BTG3: variants seen among roughly 807,000 people sequenced by gnomAD.
BTG3 encodes the protein protein BTG3.
A neutral mutation model predicts 25.8 loss-of-function variants in BTG3; 4 were observed. That is an observed-to-expected ratio of 0.16 (90% confidence interval 0.08 to 0.36). BTG3 has a LOEUF of 0.36. Among genes scored for constraint, BTG3 ranks in the 10% least tolerant of loss-of-function variants. The pLI, the probability that BTG3 is intolerant of heterozygous loss-of-function variation, is 1.00. For missense variants in BTG3, 201 were observed against 304.9 expected, an observed-to-expected ratio of 0.66 and a Z score of 2.54; for synonymous variants, 107 against 99.9, an observed-to-expected ratio of 1.07 and a Z score of -0.42.
chr21:17,599,639 C>T (rs1001858668), intron 3 of BTG3, among the ~76,000 whole-genome samples: 2 of 152,110 alleles, frequency 1.3e-5, no homozygotes, highest in East Asian at 1.9e-4. Context: ...ACCACCACGC[C>T]CAGCTAATTT....
At chr21:17,602,639 A>G (rs923607368) in intron 3 of BTG3, among the ~76,000 whole-genome samples, 7 of 152,196 alleles carry the variant, frequency 4.6e-5, no homozygotes, top group African/African-American at 1.7e-4. Flanking sequence ...GAAAAAAATC[A>G]CATCAGAGCC....
intron 4 of BTG3, among the ~76,000 whole-genome samples, chr21:17,597,668 A>C (rs1207532618): frequency 6.6e-6 from 1 of 152,070 alleles, no homozygotes; most frequent in Admixed American, 6.5e-5. Flanking sequence ...TAGAATCCTA[A>C]ATTATGATAA....
intron 2 of BTG3, among the ~76,000 whole-genome samples, chr21:17,606,233 G>A (rs1383684357): frequency 6.6e-6 from 1 of 152,042 alleles, no homozygotes; most frequent in Non-Finnish European, 1.5e-5. Flanking sequence ...GAAAAAAGGA[G>A]GCAGAGAGAG....
At chr21:17,604,818 C>T in intron 3 of BTG3, 42 bp downstream of exon 3, 1 of 1,586,466 alleles carries the variant, frequency 6.3e-7, no homozygotes, top group Admixed American at 1.8e-5. Flanking sequence ...AAAATTAGTT[C>T]CAGCATGGTC....
At chr21:17,603,552 G>C (rs752670201) in intron 3 of BTG3, among the ~76,000 whole-genome samples, 9 of 152,116 alleles carry the variant, frequency 5.9e-5, no homozygotes, top group African/African-American at 2.2e-4. Context: ...GTCAGTCTGC[G>C]ACCACCTTAG....
At chr21:17,601,723 A>G (rs1335393200) in intron 3 of BTG3, among the ~76,000 whole-genome samples, 9 of 152,238 alleles carry the variant, frequency 5.9e-5, no homozygotes. Context: ...TGACACTAAT[A>G]TAACAATGAC....
At chr21:17,594,443 A>C in intron 4 of BTG3, 111 bp from the exon 5 acceptor site, 19 of 1,227,992 alleles carry the variant, frequency 1.5e-5, no homozygotes, top group African/African-American at 3.0e-5. Flanking sequence ...GATCACATCT[A>C]AGTGACACTC....
At chr21:17,610,037 C>G (rs1459425852) in intron 1 of BTG3, among the ~76,000 whole-genome samples, 1 of 152,134 alleles carries the variant, frequency 6.6e-6, no homozygotes, top group African/African-American at 2.4e-5. Flanking sequence ...ATGGGTGAAC[C>G]TTGAATACAT....
chr21:17,607,247 G>A (rs771199863), intron 2 of BTG3, among the ~76,000 whole-genome samples: 2 of 151,972 alleles, frequency 1.3e-5, no homozygotes, highest in Non-Finnish European at 2.9e-5. Flanking sequence ...ATATTTACTT[G>A]ACAGTGCCTC....
chr21:17,601,689 A>G (rs1373657517), intron 3 of BTG3, among the ~76,000 whole-genome samples: 2 of 152,230 alleles, frequency 1.3e-5, no homozygotes, highest in African/African-American at 4.8e-5. Context: ...TTTCAAGACA[A>G]TCAAGGGTTA....
At chr21:17,605,989 CTATT>C (rs2061635172) in intron 2 of BTG3, among the ~76,000 whole-genome samples, 1 of 152,030 alleles carries the variant, frequency 6.6e-6, no homozygotes, top group Admixed American at 6.5e-5. Flanking sequence ...GACTAATGTG[CTATT>C]TAAAGTTTTT....
intron 3 of BTG3, chr21:17,604,170 G>C (rs1339144734): frequency 3.1e-6 from 4 of 1,274,208 alleles, no homozygotes; most frequent in Non-Finnish European, 3.1e-6. Context: ...GAGGCCGGGC[G>C]CAGTGGCTCA....
chr21:17,599,119 T>G (rs981689050), intron 3 of BTG3: 2 of 290,266 alleles, frequency 6.9e-6, no homozygotes, highest in Non-Finnish European at 1.3e-5. Context: ...AAAAGTCCAT[T>G]GTTTTGATTA....
chr21:17,612,148 C>T (rs1212994106), intron 1 of BTG3: 1 of 152,376 alleles, frequency 6.6e-6, no homozygotes, highest in Non-Finnish European at 1.5e-5. Context: ...TGAGCTGCGC[C>T]CAACTTCTGC....
intron 2 of BTG3, among the ~76,000 whole-genome samples, chr21:17,608,402 T>C (rs1218897156): frequency 6.7e-6 from 1 of 150,348 alleles, no homozygotes; most frequent in East Asian, 2.0e-4. Context: ...GAAAAGCAAA[T>C]CCCAGAGCCA....
intron 2 of BTG3, among the ~76,000 whole-genome samples, chr21:17,605,862 T>C (rs59851330): frequency 0.022 from 3,310 of 152,270 alleles, 113 homozygotes; most frequent in African/African-American, 0.073. Context: ...ATCCTAGTAT[T>C]TATCAGGTAA....
intron 4 of BTG3, among the ~76,000 whole-genome samples, chr21:17,598,242 T>C (rs1435118463): frequency 6.6e-6 from 1 of 152,110 alleles, no homozygotes; most frequent in Non-Finnish European, 1.5e-5. Context: ...TCTTTAATCA[T>C]GGAACGGGAG....
At chr21:17,603,984 C>T (rs779017234) in intron 3 of BTG3, among the ~76,000 whole-genome samples, 1 of 152,212 alleles carries the variant, frequency 6.6e-6, no homozygotes, top group Non-Finnish European at 1.5e-5. Context: ...GAAAACCCTA[C>T]AACTGAGAGT....
intron 1 of BTG3, among the ~76,000 whole-genome samples, chr21:17,611,166 AT>A (rs1325047257): frequency 1.3e-5 from 2 of 152,234 alleles, no homozygotes; most frequent in Non-Finnish European, 2.9e-5. Context: ...CTACGTTTAT[AT>A]TCCACCACGA....
Sources: gnomAD v4.1 joint callset for allele counts (sites outside exome capture counted in the v4.1 genomes callset) on GRCh38, gnomAD v4.1.1 for gene constraint, MANE v1.5 for transcripts, NCBI Gene and HGNC (gene_info 2026-07-23, HGNC 2026-07-21) for gene names.